RBM19: variants seen among roughly 807,000 people sequenced by gnomAD.
RBM19 encodes the protein RNA binding motif protein 19, also known as probable RNA-binding protein 19.
RBM19 carries 94 observed loss-of-function variants against 116.8 expected under a neutral mutation model. That is an observed-to-expected ratio of 0.80 (90% CI 0.68 to 0.95). The LOEUF (loss-of-function observed/expected upper bound fraction) is 0.95. RBM19 is among the 40% of genes least tolerant of loss of function. The pLI, the probability that RBM19 is intolerant of heterozygous loss-of-function variation, is 0.00. For synonymous variants in RBM19, 475 were observed against 494.1 expected (o/e 0.96, Z 0.51); for missense variants, 1,161 against 1,220.7 (o/e 0.95, Z 0.73).
At chr12:113,862,048 T>G (rs1056786291) in intron 21 of RBM19, among the ~76,000 whole-genome samples, 2 of 152,190 alleles carry the variant, frequency 1.3e-5, no homozygotes, top group African/African-American at 4.8e-5. Flanking sequence ...ATGAGAGAAC[T>G]GAAGCTTAAG....
intron 21 of RBM19, among the ~76,000 whole-genome samples, chr12:113,895,160 G>A (rs1881232074): frequency 6.6e-6 from 1 of 152,224 alleles, no homozygotes; most frequent in Admixed American, 6.5e-5. Flanking sequence ...GAGTTCCCAT[G>A]TTAAGTATAT....
At chr12:113,845,440 G>A (rs1478975652) in intron 22 of RBM19, among the ~76,000 whole-genome samples, 2 of 152,126 alleles carry the variant, frequency 1.3e-5, no homozygotes, top group Non-Finnish European at 2.9e-5. Context: ...CCCTCTTTCT[G>A]CTTTTTAACA....
intron 21 of RBM19, among the ~76,000 whole-genome samples, chr12:113,897,556 A>G (rs1158610070): frequency 6.6e-6 from 1 of 152,056 alleles, no homozygotes; most frequent in Admixed American, 6.5e-5. Context: ...TCGCACCTAC[A>G]ATCCCGGCTA....
rs1186602774 is a variant in RBM19, at chr12:113,823,087, G to C, written c.*137C>G. 1.3e-6 allele frequency: 1 copy of C among 741,844 alleles called. No homozygotes were observed. The highest frequency in any genetic ancestry group is 2.1e-6 in the Non-Finnish European group (1 of 465,328). 46.0% of individuals were successfully genotyped at this position (741,844 alleles called of 1,614,324 possible). A position where few individuals can be genotyped will look rare whatever the true frequency, so the allele number is the denominator to read the frequency against. On this transcript the variant is annotated 3_prime_UTR_variant, in exon 24 of 24. Transcript: ENST00000261741. ...GCCTTCCTCATCCCCTGTCTCCTCC[G>C]ACCTTGGACCAGTGCAGGGTGGGGC...
chr12:113,841,919 T>G (rs915487316), intron 23 of RBM19, among the ~76,000 whole-genome samples: 3 of 152,228 alleles, frequency 2.0e-5, no homozygotes, highest in Non-Finnish European at 4.4e-5. Flanking sequence ...GGCCCCCTGA[T>G]GCACAGTAAG....
chr12:113,887,564 G>GA (rs1455018984), intron 21 of RBM19, among the ~76,000 whole-genome samples: 2 of 890 alleles, frequency 2.2e-3, no homozygotes, highest in East Asian at 0.042. Context: ...TTAAACCCGG[G>GA]AGTGAGGTTG....
intron 5 of RBM19, among the ~76,000 whole-genome samples, chr12:113,958,967 G>A (rs1872228966): frequency 6.6e-6 from 1 of 152,194 alleles, no homozygotes; most frequent in African/African-American, 2.4e-5. Context: ...TATCAACATG[G>A]TCCCAATGCC....
intron 23 of RBM19, among the ~76,000 whole-genome samples, chr12:113,838,991 G>A (rs891665444): frequency 2.6e-5 from 4 of 152,220 alleles, no homozygotes; most frequent in Admixed American, 6.5e-5. Flanking sequence ...AGGCCCTGCC[G>A]AATGGTTAAG....
At chr12:113,954,065 G>C (rs1384730252) in intron 7 of RBM19, among the ~76,000 whole-genome samples, 1 of 152,236 alleles carries the variant, frequency 6.6e-6, no homozygotes, top group Non-Finnish European at 1.5e-5. Flanking sequence ...TTTACCCTGA[G>C]TAAGGAAGAG....
intron 21 of RBM19, among the ~76,000 whole-genome samples, chr12:113,863,059 G>A (rs1292077133): frequency 2.0e-5 from 3 of 152,032 alleles, no homozygotes; most frequent in African/African-American, 2.4e-5. Flanking sequence ...GAGGTGTGTG[G>A]TGGGGGGAGA....
chr12:113,859,991 T>C (rs1418594347), intron 21 of RBM19, among the ~76,000 whole-genome samples: 2 of 152,218 alleles, frequency 1.3e-5, no homozygotes, highest in Admixed American at 6.5e-5. Flanking sequence ...TGACCAGGCA[T>C]CTGCCAGCCC....
intron 21 of RBM19, among the ~76,000 whole-genome samples, chr12:113,914,097 A>G (rs1882622503): frequency 1.3e-5 from 2 of 152,272 alleles, no homozygotes; most frequent in Admixed American, 1.3e-4. Flanking sequence ...GGGATCACCA[A>G]CTAGGGGCCC....
At chr12:113,867,276 A>G (rs1878887786) in intron 21 of RBM19, among the ~76,000 whole-genome samples, 1 of 152,202 alleles carries the variant, frequency 6.6e-6, no homozygotes. Flanking sequence ...TCCCTCGCCA[A>G]TCTCCAGCAC....
At chr12:113,846,052 C>T (rs756393787) in intron 22 of RBM19, among the ~76,000 whole-genome samples, 1 of 152,206 alleles carries the variant, frequency 6.6e-6, no homozygotes, top group Non-Finnish European at 1.5e-5. Flanking sequence ...CTTCTCGTTG[C>T]TGTTGTTTTG....
Position 113,928,624 on chromosome 12 carries a change from G to GGTGTGTGTGTGT in RBM19, c.2069-1396_2069-1395insACACACACACAC, listed in dbSNP as rs757641377. Among the ~76,000 whole-genome samples the GGTGTGTGTGTGT allele has an allele frequency of 7.7e-3, 417 of 54,290 alleles. 4 individuals carry two copies. Among genetic ancestry groups the GGTGTGTGTGTGT allele is most frequent in the African/African-American group, 0.029 (390 of 13,276 alleles). 35.6% of individuals were successfully genotyped at this position (54,290 alleles called of 152,430 possible). ...GATGTGAAGTTGTGAGTTAGCAAGG[G>GGTGTGTGTGTGT]ATGTGTGTGTGTGTGTGTGTGTGTG... On this transcript the variant is annotated intron_variant, in intron 16 of 23. Coordinates refer to ENST00000261741, the MANE Select transcript of RBM19 (RefSeq NM_016196.4).
intron 23 of RBM19, among the ~76,000 whole-genome samples, chr12:113,829,387 C>G (rs1037549353): frequency 2.6e-5 from 4 of 152,234 alleles, no homozygotes; most frequent in African/African-American, 9.6e-5. Context: ...AGACTGGCCT[C>G]TGCCACTGTG....
At chr12:113,932,026 C>T (rs997982003) in intron 16 of RBM19, among the ~76,000 whole-genome samples, 2 of 152,046 alleles carry the variant, frequency 1.3e-5, no homozygotes, top group Non-Finnish European at 2.9e-5. Context: ...TACTTGTGGG[C>T]GATGAGTCTG....
At position 113,952,677 on chromosome 12, in the gene RBM19, A is replaced by C. The variant is rs1871574997; in HGVS notation, c.922-87T>G. 1.0e-5 allele frequency: 10 copies of C among 996,106 alleles called. No individual in the cohort carries two copies. The South Asian group carries it at 1.4e-4, about 14-fold the overall frequency. 61.7% of individuals were successfully genotyped at this position (996,106 alleles called of 1,614,324 possible). A position where few individuals can be genotyped will look rare whatever the true frequency, so the allele number is the denominator to read the frequency against. On this transcript the variant is annotated intron_variant, in intron 7 of 23. Transcript: ENST00000261741. ...GACATGGGGCAAATTTCTAAATCAG[A>C]AAGGATTACAAAGTGTTTCATTCTT...
In RBM19 at chr12:113,910,403, C is replaced by T. The variant is rs571527488; in HGVS notation, c.2558+4566G>A. Reference sequence around the variant, plus strand: ...TGGCTATATAGTTGGCAGGGCCTGGCGCAAAAGAAAAATCCAGGACCCCTT... The same window carrying T: ...TGGCTATATAGTTGGCAGGGCCTGGTGCAAAAGAAAAATCCAGGACCCCTT... On this transcript the variant is annotated intron_variant, in intron 21 of 23. Coordinates refer to ENST00000261741, the MANE Select transcript of RBM19 (RefSeq NM_016196.4). Among the ~76,000 whole-genome samples, 5 of 152,302 alleles carry T rather than the reference C, an allele frequency of 3.3e-5. No individual in the cohort carries two copies. In the East Asian group the frequency reaches 5.8e-4, roughly 18 times the overall value.
Sources: allele counts gnomAD v4.1 joint callset (sites outside exome capture counted in the v4.1 genomes callset), GRCh38; gene constraint gnomAD v4.1.1; transcripts MANE v1.5; gene names NCBI Gene and HGNC (gene_info 2026-07-23, HGNC 2026-07-21).